The following HABP4 variants were observed in gnomAD, a reference collection of about 807,000 sequenced individuals.
HABP4 encodes hyaluronan binding protein 4.
A neutral mutation model predicts 44.1 loss-of-function variants in HABP4; 32 were observed. That is an observed-to-expected ratio of 0.73 (90% CI 0.55 to 0.97). The LOEUF (loss-of-function observed/expected upper bound fraction) is 0.97, where lower values mean the gene tolerates loss of function less well. Among genes scored for constraint, HABP4 ranks in the 50% least tolerant of loss-of-function variants. The probability of loss-of-function intolerance (pLI) is 0.00; values close to 1 mark genes in which losing one functional copy is unlikely to be tolerated. For synonymous variants in HABP4, 216 were observed against 218.0 expected, an observed-to-expected ratio of 0.99 and a Z score of 0.08; for missense variants, 503 against 561.9, an observed-to-expected ratio of 0.90 and a Z score of 1.06.
intron 4 of HABP4, 90 bp from the exon 5 acceptor site, chr9:96,470,921 C>G: frequency 1.2e-6 from 1 of 813,582 alleles, no homozygotes; most frequent in Non-Finnish European, 2.0e-6. Flanking sequence ...CCCAAAAAAC[C>G]AAAAAAACAA....
At chr9:96,478,500 T>C (rs1832822107) in intron 5 of HABP4, among the ~76,000 whole-genome samples, 1 of 151,938 alleles carries the variant, frequency 6.6e-6, no homozygotes, top group Admixed American at 6.6e-5. Flanking sequence ...TACCTAGGAG[T>C]GGAATGGTTG....
At position 96,490,236 on chromosome 9, in the gene HABP4, T is replaced by C. The variant is rs150998510; in HGVS notation, c.*198T>C. ...GAGAGCAGGCCATTTCCCAAGAAGATGAAGAATGGTGACTGTGTTTTTATT... is the reference window on the plus strand; with the variant it reads ...GAGAGCAGGCCATTTCCCAAGAAGACGAAGAATGGTGACTGTGTTTTTATT... On this transcript the variant is annotated 3_prime_UTR_variant, in exon 8 of 8. Transcript: ENST00000375249. 6.8e-6 allele frequency: 4 copies of C among 586,558 alleles called. No homozygotes were observed. Among genetic ancestry groups the C allele is most frequent in the Non-Finnish European group, 1.2e-5 (4 of 330,060 alleles). 36.3% of individuals were successfully genotyped at this position (586,558 alleles called of 1,614,324 possible).
At chr9:96,474,179 A>G (rs1474642564) in intron 5 of HABP4, among the ~76,000 whole-genome samples, 1 of 152,204 alleles carries the variant, frequency 6.6e-6, no homozygotes, top group African/African-American at 2.4e-5. Context: ...AACAATTGCA[A>G]TGTATTATTC....
intron 5 of HABP4, among the ~76,000 whole-genome samples, chr9:96,473,960 A>G (rs1475048854): frequency 6.6e-6 from 1 of 152,170 alleles, no homozygotes; most frequent in Non-Finnish European, 1.5e-5. Context: ...TCAGTGGCTC[A>G]GTTTTCTTCA....
At chr9:96,465,211 T>C (rs765533655) in intron 2 of HABP4, 126 bp from the exon 3 acceptor site, 9 of 687,726 alleles carry the variant, frequency 1.3e-5, no homozygotes, top group Non-Finnish European at 2.3e-5. Context: ...AGGTTAACTA[T>C]TAATTTGTGA....
intron 2 of HABP4, 99 bp downstream of exon 2, chr9:96,458,640 T>TC: frequency 1.2e-6 from 1 of 832,274 alleles, no homozygotes; most frequent in Non-Finnish European, 1.8e-6. Flanking sequence ...TTTTTTTTTT[T>TC]TTGAGACAGT....
chr9:96,477,559 A>C (rs6477489), intron 5 of HABP4, among the ~76,000 whole-genome samples: 46,219 of 152,084 alleles, frequency 0.3, 9,262 homozygotes, highest in African/African-American at 0.58. Flanking sequence ...TTTTTAATAT[A>C]CTTGATATCA....
rs758024766 is a variant in HABP4 at position 96,458,614 on chromosome 9, TTTTC to T, written c.512+85_512+88del. On this transcript the variant is annotated intron_variant, in intron 2 of 7. Coordinates refer to ENST00000375249, the MANE Select transcript of HABP4 (RefSeq NM_014282.4). Reference sequence around the variant, plus strand: ...TTGAGAAAATGCTACTTTCTTTTTCTTTTCTTTCTTTCTTTTTTTTTTTTTTTTG... The same window carrying T: ...TTGAGAAAATGCTACTTTCTTTTTCTTTTCTTTCTTTTTTTTTTTTTTTTG... The T allele has an allele frequency of 1.4e-4, 145 of 1,022,406 alleles. No homozygotes were observed. In the African/African-American group the frequency reaches 1.7e-3, roughly 12 times the overall value. 63.3% of individuals were successfully genotyped at this position (1,022,406 alleles called of 1,614,324 possible).
chr9:96,487,454 ACTT>A (rs1426740734), intron 6 of HABP4, among the ~76,000 whole-genome samples: 2 of 152,168 alleles, frequency 1.3e-5, no homozygotes, highest in African/African-American at 4.8e-5. Flanking sequence ...AAGCAGCTTG[ACTT>A]CTTTGTGCAG....
chr9:96,450,191 C>T lies in HABP4; in HGVS notation c.-89C>T. On this transcript the variant is annotated 5_prime_UTR_variant, in exon 1 of 8. Coordinates refer to ENST00000375249, the MANE Select transcript of HABP4 (RefSeq NM_014282.4). The surrounding 1 kb of genome is among the most constrained non-coding windows in gnomAD (Gnocchi z 4.8). Reference sequence around the variant, plus strand: ...GGTAGGGCCCGGAGGGCGGTGGCGGCGGAGCGGGCGGCATGGGTCCTGGCC... The same window carrying T: ...GGTAGGGCCCGGAGGGCGGTGGCGGTGGAGCGGGCGGCATGGGTCCTGGCC... 13 of 1,197,438 alleles carry T rather than the reference C, an allele frequency of 1.1e-5. 1 individual carries two copies. Among genetic ancestry groups the T allele is most frequent in the South Asian group, 3.1e-5 (1 of 31,930 alleles). The allele number at this position is 1,197,438 out of a possible 1,614,324, so 74.2% of individuals were successfully genotyped here.
intron 5 of HABP4, among the ~76,000 whole-genome samples, chr9:96,477,849 G>A (rs934475015): frequency 6.6e-6 from 1 of 152,098 alleles, no homozygotes; most frequent in African/African-American, 2.4e-5. Flanking sequence ...GCGTTCCTTT[G>A]TAGGCCCTCT....
chr9:96,450,290 C>CGCG lies in HABP4; in HGVS notation c.11_12insGCG (p.Ala4_Leu5insArg). ...AGTGGTCGCGGCGGCATGAAGGGCG[C>CGCG]TCTGGGGAGTCCCGTGGCTGCCGCT... On this transcript the variant is annotated inframe_insertion, in exon 1 of 8. Transcript: ENST00000375249. The surrounding 1 kb of genome is among the most constrained non-coding windows in gnomAD (Gnocchi z 4.8). The CGCG allele has an allele frequency of 2.7e-6, 4 of 1,455,680 alleles. No homozygotes were observed. Among genetic ancestry groups the CGCG allele is most frequent in the Non-Finnish European group, 3.7e-6 (4 of 1,094,790 alleles). 90.2% of individuals were successfully genotyped at this position (1,455,680 alleles called of 1,614,324 possible).
intron 5 of HABP4, among the ~76,000 whole-genome samples, chr9:96,474,755 G>A (rs117543801): frequency 2.0e-5 from 3 of 152,082 alleles, no homozygotes; most frequent in African/African-American, 4.8e-5. Flanking sequence ...GAGTGATAGC[G>A]ATGCTCTCTG....
In HABP4 at chr9:96,450,537, C is replaced by T; in HGVS notation, c.258C>T (p.Gly86=). ...AGASGHRAGA[G]GRRESQKERK... is the part of the protein sequence containing the mutation. ...CCTCGGGCCACAGAGCCGGCGCGGGCGGCCGGAGGGAGTCGCAGAAGGAGC... is the reference window on the plus strand; with the variant it reads ...CCTCGGGCCACAGAGCCGGCGCGGGTGGCCGGAGGGAGTCGCAGAAGGAGC... Residue 86 remains glycine (G), a synonymous_variant, in exon 1 of 8, where the codon GGC becomes GGT. Coordinates refer to ENST00000375249, the MANE Select transcript of HABP4 (RefSeq NM_014282.4). The surrounding 1 kb of genome is among the most constrained non-coding windows in gnomAD (Gnocchi z 4.8). The T allele has an allele frequency of 8.1e-7, 1 of 1,236,842 alleles. No homozygotes were observed. The highest frequency in any genetic ancestry group is 1.0e-6 in the Non-Finnish European group (1 of 989,894). The allele number at this position is 1,236,842 out of a possible 1,614,324, so 76.6% of individuals were successfully genotyped here.
In HABP4 at chr9:96,450,215, C is replaced by A. The variant is rs1363249265; in HGVS notation, c.-65C>A. On this transcript the variant is annotated 5_prime_UTR_variant, in exon 1 of 8. Coordinates refer to ENST00000375249, the MANE Select transcript of HABP4 (RefSeq NM_014282.4). The surrounding 1 kb of genome is among the most constrained non-coding windows in gnomAD (Gnocchi z 4.8). ...GCGGAGCGGGCGGCATGGGTCCTGGCCGCCGGCTTCGCTGAGACGCGCTCG... is the reference window on the plus strand; with the variant it reads ...GCGGAGCGGGCGGCATGGGTCCTGGACGCCGGCTTCGCTGAGACGCGCTCG... 5 of 1,277,788 alleles carry A rather than the reference C, an allele frequency of 3.9e-6. No individual in the cohort carries two copies. The highest frequency in any genetic ancestry group is 2.1e-5 in the South Asian group (1 of 47,282). The allele number at this position is 1,277,788 out of a possible 1,614,324, so 79.2% of individuals were successfully genotyped here.
chr9:96,482,826 CTTTG>C (rs1832902514), intron 5 of HABP4, among the ~76,000 whole-genome samples: 1 of 151,546 alleles, frequency 6.6e-6, no homozygotes, highest in Non-Finnish European at 1.5e-5. Context: ...TGTATTAATA[CTTTG>C]TTTCTTTTTA....
intron 5 of HABP4, among the ~76,000 whole-genome samples, chr9:96,474,200 A>G (rs1186104472): frequency 6.6e-6 from 1 of 152,218 alleles, no homozygotes; most frequent in Non-Finnish European, 1.5e-5. Flanking sequence ...AAAACAAGAA[A>G]TGTGTTTCAT....
chr9:96,487,984 C>G, intron 6 of HABP4, 105 bp from the exon 7 acceptor site: 5 of 790,352 alleles, frequency 6.3e-6, no homozygotes, highest in Non-Finnish European at 1.1e-5. Flanking sequence ...TGACTAGCCC[C>G]TGATGGTGTT....
intron 5 of HABP4, chr9:96,483,748 C>T (rs1426343210): frequency 2.0e-5 from 3 of 152,090 alleles, no homozygotes; most frequent in Non-Finnish European, 2.9e-5. Flanking sequence ...GAAACCATTG[C>T]CCAGTCCAGG....
Sources: gnomAD v4.1 joint callset for allele counts (sites outside exome capture counted in the v4.1 genomes callset) on GRCh38, gnomAD v4.1.1 for gene constraint, Gnocchi (gnomAD v3.1) non-coding constraint, MANE v1.5 for transcripts, NCBI Gene and HGNC (gene_info 2026-07-23, HGNC 2026-07-21) for gene names.